The following PFKP variants were observed in gnomAD, a reference collection of about 807,000 sequenced individuals.
The protein encoded by PFKP is ATP-dependent 6-phosphofructokinase, platelet type.
PFKP carries 101 observed loss-of-function variants against 94.3 expected under a neutral mutation model. The observed-to-expected ratio is 1.07, with a 90% CI of 0.91 to 1.26. PFKP has a LOEUF of 1.26. Among genes scored for constraint, PFKP ranks in the 50% most tolerant of loss-of-function variants. The pLI is 0.00. For synonymous variants in PFKP, 573 were observed against 432.6 expected (o/e 1.32, Z -4.03); for missense variants, 1,145 against 1,103.3 (o/e 1.04, Z -0.53).
At chr10:3,089,657 ATAT>A (rs533492412) in intron 2 of PFKP, among the ~76,000 whole-genome samples, 146 of 149,652 alleles carry the variant, frequency 9.8e-4, no homozygotes, top group Middle Eastern at 3.6e-3. Context: ...TATTATGTAT[ATAT>A]TATTATACAT....
intron 16 of PFKP, among the ~76,000 whole-genome samples, chr10:3,124,606 C>T (rs1422059038): frequency 4.6e-5 from 7 of 152,164 alleles, no homozygotes; most frequent in African/African-American, 1.7e-4. Context: ...CCCTTCCCTG[C>T]CTGCACCTGG....
At chr10:3,110,714 GTGTATGTA>G (rs535788295) in intron 10 of PFKP, among the ~76,000 whole-genome samples, 54 of 152,300 alleles carry the variant, frequency 3.5e-4, no homozygotes, top group Non-Finnish European at 6.9e-4. Flanking sequence ...GTGTCTCTGT[GTGTATGTA>G]TGTATATGTG....
chr10:3,108,019 A>AAGCAT (rs1309220394), intron 8 of PFKP: 4 of 1,289,296 alleles, frequency 3.1e-6, no homozygotes, highest in Admixed American at 4.6e-5. Flanking sequence ...TTAAGGAGCA[A>AAGCAT]AGCATATCTC....
chr10:3,067,631 C>T lies in PFKP; in HGVS notation c.36C>T (p.Ser12=), dbSNP rs989980873. The stretch of plus-strand genomic sequence containing the variant: ...ACGACTCCCGGGCCCCCAAGGGCTC[C>T]TTGCGGAAGTTCCTGGAGCACCTCT... ...DADDSRAPKG[S]LRKFLEHLSG... Residue 12 remains serine (S), a synonymous_variant, in exon 1 of 22, where the codon TCC becomes TCT. Coordinates refer to ENST00000381125, the MANE Select transcript of PFKP (RefSeq NM_002627.5). 1 of 1,534,238 alleles carries T rather than the reference C, an allele frequency of 6.5e-7. No homozygotes were observed. The highest frequency in any genetic ancestry group is 1.2e-5 in the South Asian group (1 of 83,000).
intron 1 of PFKP, among the ~76,000 whole-genome samples, chr10:3,080,812 G>A (rs571456338): frequency 1.6e-4 from 24 of 152,218 alleles, no homozygotes; most frequent in Non-Finnish European, 2.8e-4. Context: ...GAGGGAGTCA[G>A]GGAGTCGGGG....
Position 3,099,337 on chromosome 10 carries a change from C to G in PFKP, c.249C>G (p.Ser83=). The G allele has an allele frequency of 6.2e-7, 1 of 1,613,970 alleles. No individual in the cohort carries two copies. The highest frequency in any genetic ancestry group is 8.5e-7 in the Non-Finnish European group (1 of 1,179,810). ...CAGAGGCCGACTGGGAGAGTGTCTC[C>G]AGCATCCTGCAAGTGGTAGGTACTG... is the stretch of plus-strand genomic sequence containing the variant. ...NIAEADWESV[S]SILQVGGTII... The change falls in exon 3 of 22, where the codon TCC becomes TCG. Residue 83 remains serine (S), a synonymous_variant. Transcript: ENST00000381125.
intron 2 of PFKP, among the ~76,000 whole-genome samples, chr10:3,087,753 C>T (rs1284981296): frequency 6.6e-6 from 1 of 152,040 alleles, no homozygotes; most frequent in Non-Finnish European, 1.5e-5. Context: ...TCCCCACCTG[C>T]CCCAGAAGGT....
rs1834771603 is a variant in PFKP, at chr10:3,099,425, C to A, written c.264+73C>A. ...TTATGTCTAGTAAATTCCCAGAACA[C>A]TTGAGCTCAGATCAGTTGCGAAATA... On this transcript the variant is annotated intron_variant, in intron 3 of 21. Transcript: ENST00000381125. The A allele has an allele frequency of 3.4e-6, 4 of 1,185,496 alleles. No homozygotes were observed. In the Admixed American group the frequency reaches 5.2e-5, roughly 15 times the overall value. The allele number at this position is 1,185,496 out of a possible 1,614,324, so 73.4% of individuals were successfully genotyped here.
chr10:3,109,295 GGT>G (rs1835924422), intron 9 of PFKP, 58 bp from the exon 10 acceptor site: 1 of 1,598,576 alleles, frequency 6.3e-7, no homozygotes, highest in Admixed American at 1.7e-5. Flanking sequence ...AAAGATAGGA[GGT>G]GACAGGGACA....
At chr10:3,100,796 G>A (rs1834914250) in intron 3 of PFKP, 1 of 590,610 alleles carries the variant, frequency 1.7e-6, no homozygotes. Context: ...TCCCCTGGAA[G>A]TTTGGATGAA....
At position 3,096,659 on chromosome 10, in the gene PFKP, C is replaced by A. The variant is rs181058830; in HGVS notation, c.187-2616C>A. 3.3e-3 allele frequency among the ~76,000 whole-genome samples: 498 copies of A among 151,568 alleles called. 3 individuals carry two copies. The highest frequency in any genetic ancestry group is 0.011 in the African/African-American group (448 of 41,260). The stretch of plus-strand genomic sequence containing the variant: ...CCTGCTTCCTTGTTTCCTTGCCCCC[C>A]CGAGCTTCATGGAAGTCAATCTGGA... On this transcript the variant is annotated intron_variant, in intron 2 of 21. Transcript: ENST00000381125.
chr10:3,113,667 G>C (rs1464463452), intron 13 of PFKP, 149 bp downstream of exon 13: 3 of 54,338 alleles, frequency 5.5e-5, no homozygotes, highest in Non-Finnish European at 8.0e-5. Context: ...ATTGCTTCTG[G>C]AGTAAAATCT....
intron 2 of PFKP, among the ~76,000 whole-genome samples, chr10:3,087,234 C>T (rs760527394): frequency 6.6e-6 from 1 of 150,488 alleles, no homozygotes; most frequent in South Asian, 2.1e-4. Flanking sequence ...GCTGGGATTA[C>T]AGGTGTGAGG....
intron 13 of PFKP, among the ~76,000 whole-genome samples, chr10:3,115,012 T>C (rs4881097): frequency 0.97 from 147,190 of 152,288 alleles, 71,286 homozygotes; most frequent in Non-Finnish European, 1. Flanking sequence ...CGAGAAACCT[T>C]CAAGGGTCTG....
chr10:3,135,162 G>A (rs905102370), intron 20 of PFKP, among the ~76,000 whole-genome samples: 5 of 152,134 alleles, frequency 3.3e-5, no homozygotes, highest in African/African-American at 9.7e-5. Context: ...ATTCCTGAGT[G>A]GCTCTTTGTG....
At position 3,103,274 on chromosome 10, in the gene PFKP, C is replaced by T. The variant is rs185990520; in HGVS notation, c.455-505C>T. ...TGTCTAAGTGCCAGGTGACAGAGTC[C>T]ATTGTGTGTAACTGCTGCCAGCTTT... On this transcript the variant is annotated intron_variant, in intron 4 of 21. Coordinates refer to ENST00000381125, the MANE Select transcript of PFKP (RefSeq NM_002627.5). Among the ~76,000 whole-genome samples, 785 of 152,272 alleles carry T rather than the reference C, an allele frequency of 5.2e-3. 10 individuals carry two copies. Among genetic ancestry groups the T allele is most frequent in the Middle Eastern group, 0.014 (4 of 294 alleles).
chr10:3,099,553 A>T (rs1834779608), intron 3 of PFKP, among the ~76,000 whole-genome samples: 1 of 152,222 alleles, frequency 6.6e-6, no homozygotes. Flanking sequence ...GTACTTGTTA[A>T]TAGAAATAAT....
intron 16 of PFKP, among the ~76,000 whole-genome samples, chr10:3,121,564 C>G (rs1328440618): frequency 7.0e-6 from 1 of 143,506 alleles, no homozygotes; most frequent in Non-Finnish European, 1.5e-5. Flanking sequence ...TTCCAGGGTC[C>G]TCTGCTATAA....
At chr10:3,112,022 G>C (rs1435077341) in intron 10 of PFKP, among the ~76,000 whole-genome samples, 200 bp from the exon 11 acceptor site, 1 of 152,148 alleles carries the variant, frequency 6.6e-6, no homozygotes, top group Non-Finnish European at 1.5e-5. Context: ...CTCACAGCCG[G>C]GCCGTGTGGG....
Sources: allele counts gnomAD v4.1 joint callset (sites outside exome capture counted in the v4.1 genomes callset), GRCh38; gene constraint gnomAD v4.1.1; transcripts MANE v1.5; gene names NCBI Gene and HGNC (gene_info 2026-07-23, HGNC 2026-07-21).